The following ACADM variants were observed in gnomAD, a reference collection of about 807,000 sequenced individuals.
The protein encoded by ACADM is acyl-CoA dehydrogenase medium chain, also known as medium-chain specific acyl-CoA dehydrogenase, mitochondrial.
Under a neutral mutation model 58.9 loss-of-function variants are expected in ACADM, and 49 were observed. The ratio of observed to expected loss-of-function variants is 0.83; its 90% CI spans 0.66 to 1.06. The LOEUF is 1.06. ACADM is among the 50% of genes least tolerant of loss of function. The pLI is 0.00. For missense variants in ACADM, 496 were observed against 507.0 expected (o/e 0.98, Z 0.21); for synonymous variants, 160 against 157.7 (o/e 1.01, Z -0.11).
chr1:75,739,041 T>G (rs1284086408), intron 6 of ACADM, among the ~76,000 whole-genome samples: 1 of 152,220 alleles, frequency 6.6e-6, no homozygotes, highest in African/African-American at 2.4e-5. Flanking sequence ...GCACAGAATT[T>G]ACATACTGTG....
Position 75,761,478 on chromosome 1 carries a change from G to T in ACADM, c.1194+108G>T, listed in dbSNP as rs887415573. ...TTTTATGTCCCTAGTAGCAATAAATGACTGTCATATATGGCTGTGAGCCAG... is the reference window on the plus strand; with the variant it reads ...TTTTATGTCCCTAGTAGCAATAAATTACTGTCATATATGGCTGTGAGCCAG... On this transcript the variant is annotated intron_variant, in intron 11 of 11. Coordinates refer to ENST00000370841, the MANE Select transcript of ACADM (RefSeq NM_000016.6). 15 of 1,241,598 alleles carry T rather than the reference G, an allele frequency of 1.2e-5. No individual in the cohort carries two copies. In the Middle Eastern group the frequency reaches 1.0e-3, roughly 86 times the overall value. 76.9% of individuals were successfully genotyped at this position (1,241,598 alleles called of 1,614,324 possible).
At chr1:75,751,158 G>A (rs1032612099) in intron 10 of ACADM, among the ~76,000 whole-genome samples, 22 of 150,890 alleles carry the variant, frequency 1.5e-4, no homozygotes, top group African/African-American at 4.8e-4. Flanking sequence ...TGGCTAACAC[G>A]GTGAAACCCC....
At chr1:75,758,678 C>A (rs1648644927) in intron 10 of ACADM, among the ~76,000 whole-genome samples, 1 of 152,168 alleles carries the variant, frequency 6.6e-6, no homozygotes, top group African/African-American at 2.4e-5. Flanking sequence ...TGTAAAAATG[C>A]ACCAATCAGT....
intron 10 of ACADM, among the ~76,000 whole-genome samples, chr1:75,760,666 G>A (rs1262392506): frequency 2.7e-5 from 4 of 150,656 alleles, no homozygotes; most frequent in Non-Finnish European, 5.9e-5. Context: ...AGATAAGGAA[G>A]GATTGAGGAA....
At chr1:75,743,505 C>T in intron 7 of ACADM, 1 of 1,609,750 alleles carries the variant, frequency 6.2e-7, no homozygotes, top group South Asian at 1.1e-5. Flanking sequence ...CATCAATCAG[C>T]CGGTGATCAT....
At chr1:75,726,366 CAAAAAA>C (rs3831899) in intron 1 of ACADM, among the ~76,000 whole-genome samples, 1 of 143,156 alleles carries the variant, frequency 7.0e-6, no homozygotes, top group Admixed American at 6.9e-5. Flanking sequence ...GAGACTCTGT[CAAAAAA>C]AAAAAAAAGT....
intron 5 of ACADM, 88 bp downstream of exon 5, chr1:75,733,716 A>T: frequency 1.8e-6 from 2 of 1,130,730 alleles, no homozygotes; most frequent in Non-Finnish European, 2.7e-6. Flanking sequence ...AGAAGAAAAA[A>T]AAAGGAAAGT....
intron 8 of ACADM, among the ~76,000 whole-genome samples, chr1:75,748,498 GAT>G (rs1648020213): frequency 6.6e-6 from 1 of 152,186 alleles, no homozygotes; most frequent in Non-Finnish European, 1.5e-5. Flanking sequence ...CTAGTGAAAA[GAT>G]AATGGATATA....
intron 2 of ACADM, among the ~76,000 whole-genome samples, chr1:75,730,834 A>G (rs1452152143): frequency 1.3e-5 from 2 of 151,978 alleles, no homozygotes; most frequent in Non-Finnish European, 2.9e-5. Flanking sequence ...GACTTTCTCT[A>G]CCCTCTATCT....
chr1:75,724,962 C>T lies in ACADM; in HGVS notation c.30+145C>T, dbSNP rs943746072. On this transcript the variant is annotated intron_variant, in intron 1 of 11. Transcript: ENST00000370841. ...AGCCAGCCTAGGGGCCCCCAACCTG[C>T]TTTCACGCCTCCTACCACCGGACGG... is the stretch of plus-strand genomic sequence containing the variant. 3 of 645,516 alleles carry T rather than the reference C, an allele frequency of 4.6e-6. No homozygotes were observed. In the East Asian group the frequency reaches 9.9e-5, roughly 21 times the overall value. 40.0% of individuals were successfully genotyped at this position (645,516 alleles called of 1,614,324 possible).
intron 11 of ACADM, chr1:75,761,625 G>C (rs1648867831): frequency 2.2e-6 from 1 of 461,244 alleles, no homozygotes; most frequent in Admixed American, 3.7e-5. Context: ...ATTTCTTTGA[G>C]TTTTAACAGA....
At chr1:75,740,163 A>G (rs1196379476) in intron 7 of ACADM, 53 bp downstream of exon 7, 5 of 1,523,160 alleles carry the variant, frequency 3.3e-6, no homozygotes, top group Admixed American at 3.4e-5. Flanking sequence ...TTTATCTTCA[A>G]ATCTCTCTTT....
At chr1:75,738,647 G>A (rs989292244) in intron 6 of ACADM, among the ~76,000 whole-genome samples, 3 of 152,110 alleles carry the variant, frequency 2.0e-5, no homozygotes, top group African/African-American at 7.2e-5. Context: ...TTCTCGGCAT[G>A]TTGACCAGGC....
intron 6 of ACADM, among the ~76,000 whole-genome samples, chr1:75,737,282 A>ATCTATATATATATATG (rs1647308717): frequency 7.4e-5 from 1 of 13,602 alleles, no homozygotes; most frequent in Non-Finnish European, 1.3e-4. Context: ...ACACACAAAT[A>ATCTATATATATATATG]TATATATATA....
chr1:75,736,202 A>ACACACACACG (rs1647258980), intron 6 of ACADM, among the ~76,000 whole-genome samples: 1 of 151,272 alleles, frequency 6.6e-6, no homozygotes, highest in African/African-American at 2.4e-5. Flanking sequence ...ACACACACAC[A>ACACACACACG]CACGCTCTAT....
Position 75,744,284 on chromosome 1 carries a change from T to C in ACADM, c.600-1522T>C, listed in dbSNP as rs1456904254. The C allele has an allele frequency of 1.9e-5, 31 of 1,613,372 alleles. 1 individual carries two copies. Among genetic ancestry groups the C allele is most frequent in the South Asian group, 7.7e-5 (7 of 91,074 alleles). ...ACTGCCGCTGCTATAGGTTCTGCTT[T>C]TGGGGCTGCAGCAGCAGGAGCTTCA... On this transcript the variant is annotated intron_variant, in intron 7 of 11. Transcript: ENST00000370841.
chr1:75,739,930 A>G, intron 6 of ACADM, 50 bp from the exon 7 acceptor site: 1 of 1,427,334 alleles, frequency 7.0e-7, no homozygotes, highest in Non-Finnish European at 9.5e-7. Flanking sequence ...AACAGTCAAA[A>G]TTTAATCACT....
intron 2 of ACADM, among the ~76,000 whole-genome samples, chr1:75,732,176 T>C (rs1647159379): frequency 6.6e-6 from 1 of 152,088 alleles, no homozygotes; most frequent in Non-Finnish European, 1.5e-5. Context: ...ATTATGATAT[T>C]GATATTCTTA....
At chr1:75,737,458 A>G (rs905493911) in intron 6 of ACADM, among the ~76,000 whole-genome samples, 1 of 151,730 alleles carries the variant, frequency 6.6e-6, no homozygotes, top group Non-Finnish European at 1.5e-5. Flanking sequence ...TGAAACAGAC[A>G]GATGTCTAAT....
Sources: gnomAD v4.1 joint callset for allele counts (sites outside exome capture counted in the v4.1 genomes callset) on GRCh38, gnomAD v4.1.1 for gene constraint, MANE v1.5 for transcripts, NCBI Gene and HGNC (gene_info 2026-07-23, HGNC 2026-07-21) for gene names.